The following TDRD1 variants were observed in gnomAD, a reference collection of about 807,000 sequenced individuals.
TDRD1 encodes the protein tudor domain containing 1.
Under a neutral mutation model 140.6 loss-of-function variants are expected in TDRD1, and 37 were observed. The ratio of observed to expected loss-of-function variants is 0.26; its 90% confidence interval spans 0.20 to 0.35. The LOEUF is 0.35. Among genes scored for constraint, TDRD1 ranks in the 10% least tolerant of loss-of-function variants. TDRD1 has a pLI of 1.00. For missense variants in TDRD1, 1,243 were observed against 1,393.0 expected, an observed-to-expected ratio of 0.89 and a Z score of 1.71; for synonymous variants, 506 against 475.7, an observed-to-expected ratio of 1.06 and a Z score of -0.83.
chr10:114,188,080 T>C (rs752830178), exon 2 of TDRD1: 5 of 1,613,558 alleles, frequency 3.1e-6, no homozygotes, highest in Non-Finnish European at 4.2e-6. Flanking sequence ...AGGAAGACAA[T>C]TCAGTTTCTT....
At chr10:114,229,474 C>A (rs888379519) in intron 25 of TDRD1, among the ~76,000 whole-genome samples, 12 of 151,618 alleles carry the variant, frequency 7.9e-5, no homozygotes, top group African/African-American at 2.9e-4. Flanking sequence ...TGGGTTATTA[C>A]AACTTTCAGT....
In TDRD1 at chr10:114,212,049, T is replaced by C. The variant is rs117759255; in HGVS notation, c.1831+13T>C. ...TGTGTACTAGCAGGTATGAAATTTT[T>C]ATAGCCTCCATATTCTTTAAAAATT... is the stretch of plus-strand genomic sequence containing the variant. On this transcript the variant is annotated intron_variant, in intron 14 of 25. Transcript: ENST00000251864. The C allele has an allele frequency of 3.7e-4, 591 of 1,590,470 alleles. 5 individuals are homozygous for C. In the East Asian group the frequency reaches 0.013, roughly 35 times the overall value.
intron 2 of TDRD1, among the ~76,000 whole-genome samples, chr10:114,188,420 A>ACT (rs2033704231): frequency 6.6e-6 from 1 of 152,118 alleles, no homozygotes; most frequent in Admixed American, 6.5e-5. Context: ...GAAAGGAAAC[A>ACT]CTCTGGCTTT....
At chr10:114,221,397 A>G (rs768610080) in exon 20 of TDRD1, 21 of 1,612,570 alleles carry the variant, frequency 1.3e-5, no homozygotes, top group East Asian at 4.5e-5. Flanking sequence ...TAGAATTGCC[A>G]GTGGATAAAA....
Position 114,225,292 on chromosome 10 carries a change from G to T in TDRD1, c.3008-757G>T, listed in dbSNP as rs553749087. 5.2e-4 allele frequency among the ~76,000 whole-genome samples: 79 copies of T among 152,302 alleles called. 2 individuals carry two copies. The highest frequency in any genetic ancestry group is 1.8e-3 in the African/African-American group (74 of 41,568). On this transcript the variant is annotated intron_variant, in intron 21 of 25. Transcript: ENST00000251864. ...GAGTGTATGAACCAAAGCCTATTCA[G>T]ATGTCTTTGCAAGTAACTCTGCTTC...
intron 11 of TDRD1, among the ~76,000 whole-genome samples, chr10:114,206,662 G>A (rs913311256): frequency 6.9e-6 from 1 of 145,308 alleles, no homozygotes; most frequent in Non-Finnish European, 1.5e-5. Flanking sequence ...TGTCCAAGCT[G>A]GAGTGCAATG....
chr10:114,224,673 CT>C (rs1274946333), intron 21 of TDRD1, among the ~76,000 whole-genome samples: 1 of 152,156 alleles, frequency 6.6e-6, no homozygotes, highest in Middle Eastern at 3.4e-3. Context: ...ATTTCAATAG[CT>C]TTTTTTGTTT....
chr10:114,182,757 C>T (rs1564929196), intron 1 of TDRD1, among the ~76,000 whole-genome samples: 1 of 151,430 alleles, frequency 6.6e-6, no homozygotes, highest in African/African-American at 2.4e-5. Flanking sequence ...GTGATCTCAG[C>T]TCACTGCAAG....
intron 3 of TDRD1, among the ~76,000 whole-genome samples, chr10:114,195,102 A>G (rs188440100): frequency 1.6e-4 from 24 of 152,032 alleles, no homozygotes; most frequent in African/African-American, 5.3e-4. Context: ...TCTTTAACTC[A>G]TGTATTATTT....
exon 13 of TDRD1, chr10:114,210,917 G>A (rs149671783): frequency 2.2e-5 from 36 of 1,613,958 alleles, no homozygotes; most frequent in Non-Finnish European, 2.6e-5. Flanking sequence ...TTGCCTCCAC[G>A]CTCTGATTTT....
intron 11 of TDRD1, among the ~76,000 whole-genome samples, chr10:114,210,008 T>G (rs1048528653): frequency 1.1e-4 from 16 of 152,340 alleles, no homozygotes; most frequent in Admixed American, 8.5e-4. Context: ...TTCTGTGAGT[T>G]TTCTCTTCTG....
intron 16 of TDRD1, 61 bp from the exon 17 acceptor site, chr10:114,217,484 A>C: frequency 1.1e-6 from 1 of 930,898 alleles, no homozygotes; most frequent in Non-Finnish European, 1.6e-6. Flanking sequence ...CTTTAAAGGA[A>C]AATCTGTGTT....
In TDRD1 at chr10:114,199,337, G is replaced by GC; in HGVS notation, c.529+20_529+21insC. On this transcript the variant is annotated intron_variant, in intron 4 of 25. Coordinates refer to ENST00000251864, the Ensembl canonical transcript of TDRD1. ...TATTTGGTAAGCATATTGTTCTTGG[G>GC]TGTCTGAATTCTTCTTCCACATATT... The GC allele has an allele frequency of 2.5e-6, 4 of 1,569,290 alleles. No homozygotes were observed. The highest frequency in any genetic ancestry group is 3.4e-6 in the Non-Finnish European group (4 of 1,164,960).
At chr10:114,192,292 C>CATTTTTT (rs2034027434) in intron 3 of TDRD1, among the ~76,000 whole-genome samples, 2 of 75,108 alleles carry the variant, frequency 2.7e-5, no homozygotes, top group Admixed American at 1.4e-4. Flanking sequence ...GATAGTTTTC[C>CATTTTTT]TTTTTTTTTT....
upstream of TDRD1, among the ~76,000 whole-genome samples, chr10:114,175,286 T>A (rs2032668342): frequency 6.6e-6 from 1 of 152,200 alleles, no homozygotes; most frequent in African/African-American, 2.4e-5. Context: ...TCGTCAGTAA[T>A]AACATAGGTA....
intron 2 of TDRD1, among the ~76,000 whole-genome samples, 185 bp from the exon 3 acceptor site, chr10:114,190,776 C>T (rs1424971321): frequency 3.3e-5 from 5 of 152,222 alleles, no homozygotes; most frequent in African/African-American, 1.2e-4. Flanking sequence ...GGGTGAGCCA[C>T]TGTGCCCAGC....
chr10:114,231,563 C>A, exon 26 of TDRD1: 2 of 1,476,244 alleles, frequency 1.4e-6, no homozygotes, highest in Non-Finnish European at 1.8e-6. Flanking sequence ...AGTACAGCAC[C>A]TGGTGTTTTT....
At chr10:114,204,180 C>T (rs1264831082) in exon 9 of TDRD1, 2 of 1,598,900 alleles carry the variant, frequency 1.3e-6, no homozygotes, top group East Asian at 4.5e-5. Flanking sequence ...ACAGAATTTA[C>T]CACCTCAACA....
intron 3 of TDRD1, among the ~76,000 whole-genome samples, chr10:114,191,436 ATTTTGACAT>A (rs2033958470): frequency 1.3e-5 from 2 of 152,154 alleles, no homozygotes; most frequent in Admixed American, 1.3e-4. Context: ...TATTTCGACA[ATTTTGACAT>A]TTTTGAGAAT....
Sources: gnomAD v4.1 joint callset for allele counts (sites outside exome capture counted in the v4.1 genomes callset) on GRCh38, gnomAD v4.1.1 for gene constraint, MANE v1.5 for transcripts, NCBI Gene and HGNC (gene_info 2026-07-23, HGNC 2026-07-21) for gene names.